ABCG2: variants seen among roughly 807,000 people sequenced by gnomAD.
ABCG2 encodes broad substrate specificity ATP-binding cassette transporter ABCG2.
Under a neutral mutation model 73.5 loss-of-function variants are expected in ABCG2, and 80 were observed. That is an observed-to-expected ratio of 1.09 (90% CI 0.91 to 1.31). The LOEUF is 1.31. Among genes scored for constraint, ABCG2 ranks in the 50% most tolerant of loss-of-function variants. ABCG2 has a pLI of 0.00. For synonymous variants in ABCG2, 269 were observed against 282.4 expected, an observed-to-expected ratio of 0.95 and a Z score of 0.48; for missense variants, 796 against 786.2, an observed-to-expected ratio of 1.01 and a Z score of -0.15.
At chr4:88,156,357 A>AG (rs1426869780) in intron 1 of ABCG2, among the ~76,000 whole-genome samples, 1 of 140,644 alleles carries the variant, frequency 7.1e-6, no homozygotes, top group Non-Finnish European at 1.5e-5. Context: ...CCTGGGCGAC[A>AG]AAGACTCCGT....
intron 8 of ABCG2, among the ~76,000 whole-genome samples, chr4:88,114,437 G>C (rs951442138): frequency 6.6e-6 from 1 of 152,050 alleles, no homozygotes; most frequent in African/African-American, 2.4e-5. Flanking sequence ...AACCAGCCTG[G>C]CCAACATGGT....
rs768358315 is a variant in ABCG2, at chr4:88,121,668, C to G, written c.656G>C (p.Ser219Thr). Residue 219 changes from serine to threonine, a missense_variant, in exon 6 of 16, where the codon AGC (serine) becomes ACC (threonine). Transcript: ENST00000237612. ...GAGCAAAAGGACAGCATTTGCTGTG[C>G]TTGAGTCTAAGCCAGTTGTAGGCTC... ...LDEPTTGLDSSTANAVLLLLK... is the reference protein window; with the variant it reads ...LDEPTTGLDSTTANAVLLLLK... 1 of 1,614,034 alleles carries G rather than the reference C, an allele frequency of 6.2e-7. No homozygotes were observed. The highest frequency in any genetic ancestry group is 1.1e-5 in the South Asian group (1 of 91,064).
chr4:88,093,503 CAAAA>C (rs10533191), intron 15 of ABCG2, among the ~76,000 whole-genome samples: 13 of 104,966 alleles, frequency 1.2e-4, no homozygotes, highest in Admixed American at 4.2e-4. Context: ...GACTCCATTT[CAAAA>C]AAAAAAAAAA....
At chr4:88,106,812 G>A (rs1722799162) in intron 10 of ABCG2, among the ~76,000 whole-genome samples, 1 of 152,192 alleles carries the variant, frequency 6.6e-6, no homozygotes, top group African/African-American at 2.4e-5. Context: ...AGGCCAAGGT[G>A]GGTGGACCCA....
rs557083352 is a variant in ABCG2 at position 88,224,103 on chromosome 4, C to A, written c.-20+6891G>T. On this transcript the variant is annotated intron_variant, in intron 1 of 15. Transcript: ENST00000515655. ...TCTTTATATATTCTGGATATGAAGC[C>A]ATTATCAAATATGTAATTTTCTCCC... is the stretch of plus-strand genomic sequence containing the variant. Among the ~76,000 whole-genome samples the A allele has an allele frequency of 3.3e-5, 5 of 152,110 alleles. No homozygotes were observed. In the East Asian group the frequency reaches 9.7e-4, roughly 29 times the overall value.
rs1244055864 is a variant in ABCG2, at chr4:88,192,481, G to A, written c.-20+38513C>T. Among the ~76,000 whole-genome samples the A allele has an allele frequency of 4.6e-5, 7 of 151,876 alleles. No individual in the cohort carries two copies. In the South Asian group the frequency reaches 6.2e-4, roughly 14 times the overall value. ...CAGGCCCAGGCTGGAGTGCAGTGGC[G>A]CAATCTCGGCTCACTACAAGCTCCA... On this transcript the variant is annotated intron_variant, in intron 1 of 15. Coordinates refer to the ABCG2 transcript ENST00000515655.
chr4:88,221,796 A>G (rs1730022193), intron 1 of ABCG2, among the ~76,000 whole-genome samples: 1 of 152,218 alleles, frequency 6.6e-6, no homozygotes, highest in Non-Finnish European at 1.5e-5. Context: ...TTCAAGAGGA[A>G]GCAGAGCATA....
intron 15 of ABCG2, among the ~76,000 whole-genome samples, chr4:88,093,529 T>G (rs1395828441): frequency 6.9e-6 from 1 of 144,430 alleles, no homozygotes; most frequent in Admixed American, 6.9e-5. Context: ...AAAAAAGGAA[T>G]ATCTTCCTCC....
In ABCG2 at chr4:88,153,107, C is replaced by T. The variant is rs576207513; in HGVS notation, c.-20+5279G>A. Among the ~76,000 whole-genome samples, 703 of 152,252 alleles carry T rather than the reference C, an allele frequency of 4.6e-3. 8 individuals carry two copies. The highest frequency in any genetic ancestry group is 0.014 in the African/African-American group (591 of 41,544). On this transcript the variant is annotated intron_variant, in intron 1 of 15. Transcript: ENST00000237612. The stretch of plus-strand genomic sequence containing the variant: ...GAGTGCCTAAGGAGGTTCAGCATAG[C>T]CCTGCCAGCAAAGATGATTTATTTA...
intron 8 of ABCG2, among the ~76,000 whole-genome samples, chr4:88,114,045 G>C (rs964182753): frequency 2.0e-5 from 3 of 152,072 alleles, no homozygotes; most frequent in Admixed American, 6.6e-5. Flanking sequence ...GCTCACTCCT[G>C]TAATCCCAGT....
intron 1 of ABCG2, among the ~76,000 whole-genome samples, chr4:88,182,813 T>C (rs1294049522): frequency 1.3e-5 from 2 of 151,948 alleles, no homozygotes; most frequent in African/African-American, 4.8e-5. Context: ...CAGCCAGGCG[T>C]GGTGGCTCAC....
chr4:88,228,456 T>C (rs1730316738), intron 1 of ABCG2, among the ~76,000 whole-genome samples: 1 of 152,228 alleles, frequency 6.6e-6, no homozygotes, highest in African/African-American at 2.4e-5. Flanking sequence ...CACACATGCT[T>C]ACTGCCTACC....
intron 1 of ABCG2, among the ~76,000 whole-genome samples, chr4:88,225,946 A>G (rs1730194550): frequency 1.3e-5 from 2 of 152,182 alleles, no homozygotes; most frequent in South Asian, 4.1e-4. Flanking sequence ...AGATCTTGTG[A>G]GACTTGTTCA....
At chr4:88,171,323 G>A (rs376001502) in intron 1 of ABCG2, among the ~76,000 whole-genome samples, 1 of 144,650 alleles carries the variant, frequency 6.9e-6, no homozygotes, top group South Asian at 2.2e-4. Context: ...TAGAATGGAT[G>A]GGGGGATGTG....
At position 88,115,003 on chromosome 4, in the gene ABCG2, A is replaced by G; in HGVS notation, c.897T>C (p.Asn299=). The part of the protein sequence containing the change: ...NPADFFLDII[N]GDSTAVALNR... ...TTAATGCCACAGCAGTGGAATCTCCATTAATGATGTCCAAGAAGAAGTCTG... is the reference window on the plus strand; with the variant it reads ...TTAATGCCACAGCAGTGGAATCTCCGTTAATGATGTCCAAGAAGAAGTCTG... The change falls in exon 8 of 16, where the codon AAT becomes AAC. Residue 299 remains asparagine (N), a synonymous_variant. Coordinates refer to ENST00000237612, the MANE Select transcript of ABCG2 (RefSeq NM_004827.3). The G allele has an allele frequency of 6.2e-7, 1 of 1,613,232 alleles. No individual in the cohort carries two copies.
rs1306233394 is a variant in ABCG2, at chr4:88,115,049, C to T, written c.851G>A (p.Cys284Tyr). 1 of 1,608,090 alleles carries T rather than the reference C, an allele frequency of 6.2e-7. No individual in the cohort carries two copies. Among genetic ancestry groups the T allele is most frequent in the East Asian group, 2.2e-5 (1 of 44,686 alleles). The change falls in exon 8 of 16, where the codon TGT becomes TAT. Residue 284 changes from cysteine to tyrosine, a missense_variant. By Grantham distance (194) the Cys-to-Tyr change is radical. Transcript: ENST00000237612. ...GTCTGCAGGGTTATTATAGGCCTCACAGTGATAACCTATGAAAGAAGGCAG... is the reference window on the plus strand; with the variant it reads ...GTCTGCAGGGTTATTATAGGCCTCATAGTGATAACCTATGAAAGAAGGCAG... ...LGYFESAGYHCEAYNNPADFF... is the reference protein window; with the variant it reads ...LGYFESAGYHYEAYNNPADFF...
chr4:88,113,217 G>T (rs925185542), intron 9 of ABCG2, 86 bp downstream of exon 9: 1 of 1,480,748 alleles, frequency 6.8e-7, no homozygotes, highest in Non-Finnish European at 9.1e-7. Context: ...TTGGAAGGGT[G>T]GGTAGAAGAT....
intron 5 of ABCG2, among the ~76,000 whole-genome samples, chr4:88,130,135 G>A (rs1724744479): frequency 6.6e-6 from 1 of 152,234 alleles, no homozygotes; most frequent in East Asian, 1.9e-4. Context: ...GAAACATATA[G>A]AGCAGGGGTC....
At chr4:88,134,919 G>A (rs1314425654) in intron 2 of ABCG2, among the ~76,000 whole-genome samples, 3 of 152,188 alleles carry the variant, frequency 2.0e-5, no homozygotes, top group Non-Finnish European at 4.4e-5. Context: ...ACAAACAAAC[G>A]AAAAACAAAG....
Sources: gnomAD v4.1 joint callset for allele counts (sites outside exome capture counted in the v4.1 genomes callset) on GRCh38, gnomAD v4.1.1 for gene constraint, MANE v1.5 for transcripts, NCBI Gene and HGNC (gene_info 2026-07-23, HGNC 2026-07-21) for gene names.